Variants in ANKH observed in about 807,000 individuals in gnomAD.
ANKH encodes the protein mineralization regulator ANKH.
A neutral mutation model predicts 49.0 loss-of-function variants in ANKH; 15 were observed. The observed-to-expected ratio is 0.31, with a 90% CI of 0.20 to 0.47. The LOEUF (loss-of-function observed/expected upper bound fraction) is 0.47. Ranked by LOEUF, ANKH falls within the 20% of genes least tolerant of loss-of-function variation. The pLI is 1.00. For missense variants in ANKH, 429 were observed against 652.0 expected (o/e 0.66, Z 3.72); for synonymous variants, 273 against 260.0 (o/e 1.05, Z -0.48).
At chr5:14,802,267 C>T (rs547088030) in intron 1 of ANKH, among the ~76,000 whole-genome samples, 4 of 152,184 alleles carry the variant, frequency 2.6e-5, no homozygotes, top group East Asian at 1.9e-4. Context: ...CTCTTCTCAC[C>T]GAGACTTGGC....
At chr5:14,841,407 C>T (rs1309613213) in intron 1 of ANKH, among the ~76,000 whole-genome samples, 1 of 152,050 alleles carries the variant, frequency 6.6e-6, no homozygotes, top group Admixed American at 6.5e-5. Context: ...AGTGACTCTC[C>T]TGCCTCAGCC....
chr5:14,758,384 A>T, intron 3 of ANKH, 96 bp downstream of exon 3: 1 of 930,370 alleles, frequency 1.1e-6, no homozygotes, highest in Non-Finnish European at 1.7e-6. Context: ...ATTAAGCTGT[A>T]CACACAAAAA....
chr5:14,766,568 G>C lies in ANKH; in HGVS notation c.313+2407C>G, dbSNP rs145878912. ...GAAAATAAATGCCTTTGAAAAATTA[G>C]AAGAACTTGCTAAAAGGAAATAAAT... On this transcript the variant is annotated intron_variant, in intron 2 of 11. Transcript: ENST00000284268. Among the ~76,000 whole-genome samples, 33 of 152,284 alleles carry C rather than the reference G, an allele frequency of 2.2e-4. No homozygotes were observed. In the East Asian group the frequency reaches 5.2e-3, roughly 24 times the overall value.
chr5:14,853,492 G>A (rs552787488), intron 1 of ANKH, among the ~76,000 whole-genome samples: 3 of 152,240 alleles, frequency 2.0e-5, no homozygotes. Context: ...TGAGAGGATC[G>A]CTTGAGCCCA....
intron 1 of ANKH, among the ~76,000 whole-genome samples, chr5:14,847,238 A>C (rs944020314): frequency 6.6e-6 from 1 of 152,206 alleles, no homozygotes; most frequent in Non-Finnish European, 1.5e-5. Context: ...TTGGCACCTC[A>C]AAGTGAATGC....
chr5:14,827,375 G>C (rs900034548), intron 1 of ANKH, among the ~76,000 whole-genome samples: 5 of 152,150 alleles, frequency 3.3e-5, no homozygotes, highest in African/African-American at 1.2e-4. Context: ...GATGAACTGG[G>C]GCTGGATGCA....
chr5:14,733,159 C>T (rs542549626), intron 8 of ANKH, among the ~76,000 whole-genome samples: 2 of 152,216 alleles, frequency 1.3e-5, no homozygotes, highest in South Asian at 2.1e-4. Flanking sequence ...TGTCTGGCAC[C>T]GGATTCATAG....
At chr5:14,820,889 G>C (rs754852930) in intron 1 of ANKH, among the ~76,000 whole-genome samples, 2 of 152,164 alleles carry the variant, frequency 1.3e-5, no homozygotes, top group Non-Finnish European at 2.9e-5. Flanking sequence ...CTTAAGCCCA[G>C]GAATTCGAGA....
chr5:14,783,691 T>TATACCTAATGATATACCTAATGA (rs1229990011), intron 1 of ANKH, among the ~76,000 whole-genome samples: 21 of 152,230 alleles, frequency 1.4e-4, no homozygotes, highest in African/African-American at 4.8e-4. Context: ...TATCCATGGT[T>TATACCTAATGATATACCTAATGA]TATACCTAAG....
At chr5:14,845,366 A>ATT (rs60459352) in intron 1 of ANKH, among the ~76,000 whole-genome samples, 31 of 75,724 alleles carry the variant, frequency 4.1e-4, no homozygotes, top group Admixed American at 1.1e-3. Context: ...ATATATATAT[A>ATT]TTTTTTTTTT....
chr5:14,719,743 G>C (rs970518204), intron 8 of ANKH, among the ~76,000 whole-genome samples: 1 of 152,148 alleles, frequency 6.6e-6, no homozygotes, highest in African/African-American at 2.4e-5. Flanking sequence ...GGTGCCTCTC[G>C]GAGTAGGAAA....
At chr5:14,779,121 C>A (rs1001318378) in intron 1 of ANKH, among the ~76,000 whole-genome samples, 1 of 152,176 alleles carries the variant, frequency 6.6e-6, no homozygotes, top group African/African-American at 2.4e-5. Context: ...CACATCTGAC[C>A]TAAGCTCTTC....
chr5:14,863,417 GC>G (rs1735557849), intron 1 of ANKH, among the ~76,000 whole-genome samples: 1 of 152,074 alleles, frequency 6.6e-6, no homozygotes, highest in African/African-American at 2.4e-5. Flanking sequence ...GTTATGATTT[GC>G]CATATGATAC....
At chr5:14,749,355 T>C in intron 5 of ANKH, 49 bp from the exon 6 acceptor site, 3 of 1,603,632 alleles carry the variant, frequency 1.9e-6, no homozygotes, top group Non-Finnish European at 2.6e-6. Flanking sequence ...AGAAGCAGAA[T>C]GGAAAAAACG....
At chr5:14,715,917 A>G (rs959901283) in intron 9 of ANKH, among the ~76,000 whole-genome samples, 6 of 152,222 alleles carry the variant, frequency 3.9e-5, no homozygotes, top group Admixed American at 3.9e-4. Flanking sequence ...ATCTGGCCTC[A>G]GGTTCCCCTG....
At position 14,805,263 on chromosome 5, in the gene ANKH, A is replaced by T. The variant is rs1740669884; in HGVS notation, c.97-36072T>A. Among the ~76,000 whole-genome samples, 3 of 151,592 alleles carry T rather than the reference A, an allele frequency of 2.0e-5. No individual in the cohort carries two copies. In the South Asian group the frequency reaches 6.3e-4, roughly 32 times the overall value. On this transcript the variant is annotated intron_variant, in intron 1 of 11. Coordinates refer to ENST00000284268, the MANE Select transcript of ANKH (RefSeq NM_054027.6). ...TCCTGCCCTCGAACATCAGACTCCAAGTTCTTCAGTTTTGGGACTCGGACT... is the reference window on the plus strand; with the variant it reads ...TCCTGCCCTCGAACATCAGACTCCATGTTCTTCAGTTTTGGGACTCGGACT...
In ANKH at chr5:14,708,235, C is replaced by CA. The variant is rs1737016143; in HGVS notation, c.*2961_*2962insT. 6.6e-6 allele frequency: 1 copy of CA among 152,196 alleles called. No individual in the cohort carries two copies. Among genetic ancestry groups the CA allele is most frequent in the South Asian group, 2.1e-4 (1 of 4,824 alleles). The allele number at this position is 152,196 out of a possible 1,614,324, so 9.4% of individuals were successfully genotyped here. A position where few individuals can be genotyped will look rare whatever the true frequency, so the allele number is the denominator to read the frequency against. ...GAGCTCTAGAAAACCCTTACTATTT[C>CA]CTATGCTTTGAGCTGCCCAAACCTA... On this transcript the variant is annotated 3_prime_UTR_variant, in exon 12 of 12. Transcript: ENST00000284268.
intron 1 of ANKH, among the ~76,000 whole-genome samples, chr5:14,803,564 G>A (rs994575331): frequency 6.6e-6 from 1 of 152,144 alleles, no homozygotes. Flanking sequence ...ACAGGCATAA[G>A]CCACCATGCC....
At chr5:14,747,506 G>T (rs1391553549) in intron 6 of ANKH, among the ~76,000 whole-genome samples, 1 of 152,194 alleles carries the variant, frequency 6.6e-6, no homozygotes. Context: ...GCTGCAGTGA[G>T]CTGTGATCGT....
Sources: allele counts gnomAD v4.1 joint callset (sites outside exome capture counted in the v4.1 genomes callset), GRCh38; gene constraint gnomAD v4.1.1; transcripts MANE v1.5; gene names NCBI Gene and HGNC (gene_info 2026-07-23, HGNC 2026-07-21).